PLPP3: variants seen among roughly 807,000 people sequenced by gnomAD.
The protein encoded by PLPP3 is PAP2 beta.
PLPP3 carries 6 observed loss-of-function variants against 29.6 expected under a neutral mutation model. That is an observed-to-expected ratio of 0.20 (90% CI 0.11 to 0.40). The LOEUF (loss-of-function observed/expected upper bound fraction) is 0.40, where lower values mean the gene tolerates loss of function less well. Among genes scored for constraint, PLPP3 ranks in the 10% least tolerant of loss-of-function variants. PLPP3 has a pLI of 1.00. For missense variants in PLPP3, 308 were observed against 407.7 expected (o/e 0.76, Z 2.11); for synonymous variants, 152 against 159.7 (o/e 0.95, Z 0.36).
intron 2 of PLPP3, among the ~76,000 whole-genome samples, chr1:56,526,408 T>C (rs1645853307): frequency 6.6e-6 from 1 of 152,190 alleles, no homozygotes; most frequent in Non-Finnish European, 1.5e-5. Context: ...ATCTAAAGAT[T>C]AAACCCAGGT....
intron 1 of PLPP3, among the ~76,000 whole-genome samples, chr1:56,553,150 A>C (rs1646052024): frequency 1.3e-5 from 2 of 152,140 alleles, no homozygotes; most frequent in African/African-American, 4.8e-5. Context: ...TGCTGGCCTA[A>C]ATAACCTCTA....
Position 56,536,996 on chromosome 1 carries a change from C to T in PLPP3, c.256G>A (p.Ala86Thr). 11 of 1,613,782 alleles carry T rather than the reference C, an allele frequency of 6.8e-6. No individual in the cohort carries two copies. The highest frequency in any genetic ancestry group is 9.3e-6 in the Non-Finnish European group (11 of 1,179,840). Residue 86 changes from alanine (A) to threonine (T), a missense_variant, in exon 2 of 6, where the codon GCT (alanine) becomes ACT (threonine). Physicochemically the swap from Ala to Thr is moderately conservative, Grantham distance 58 (BLOSUM62 0). Transcript: ENST00000371250. Reference protein sequence around the residue: ...PLKTGETINDAVLCAVGIVIA... With the variant: ...PLKTGETINDTVLCAVGIVIA... The stretch of plus-strand genomic sequence containing the variant: ...ACGATCCCCACGGCACAGAGCACAG[C>T]GTCATTTATTGTCTCACCAGTTTTC...
intron 4 of PLPP3, among the ~76,000 whole-genome samples, chr1:56,514,941 C>T (rs1207382716): frequency 2.0e-5 from 3 of 152,120 alleles, no homozygotes; most frequent in Non-Finnish European, 2.9e-5. Flanking sequence ...GGGATGAAGA[C>T]GGTGTTAGTC....
chr1:56,498,090 T>A lies in PLPP3; in HGVS notation c.811-1414A>T, dbSNP rs568683104. ...CTATTTCTATGCTACTACAAGAAAATGAAATATTAGCCGAGAAGTGTAACA... is the reference window on the plus strand; with the variant it reads ...CTATTTCTATGCTACTACAAGAAAAAGAAATATTAGCCGAGAAGTGTAACA... On this transcript the variant is annotated intron_variant, in intron 5 of 5. Coordinates refer to ENST00000371250, the MANE Select transcript of PLPP3 (RefSeq NM_003713.5). Among the ~76,000 whole-genome samples the A allele has an allele frequency of 1.1e-4, 16 of 151,554 alleles. No homozygotes were observed. In the South Asian group the frequency reaches 3.4e-3, roughly 32 times the overall value.
At chr1:56,523,802 A>C in intron 4 of PLPP3, 21 bp downstream of exon 4, 3 of 1,609,496 alleles carry the variant, frequency 1.9e-6, no homozygotes, top group Non-Finnish European at 2.6e-6. Context: ...GCACTGCTCA[A>C]ATCAAAGGGT....
chr1:56,510,254 C>T (rs920406297), intron 5 of PLPP3, among the ~76,000 whole-genome samples: 1 of 152,214 alleles, frequency 6.6e-6, no homozygotes, highest in African/African-American at 2.4e-5. Context: ...CCATCCCCCA[C>T]TGTCACCTCA....
intron 1 of PLPP3, among the ~76,000 whole-genome samples, chr1:56,571,681 T>A (rs905423508): frequency 1.3e-5 from 2 of 152,198 alleles, no homozygotes; most frequent in Non-Finnish European, 1.5e-5. Flanking sequence ...TACATATTAC[T>A]CTGTCTACTC....
At chr1:56,565,668 G>A (rs1017998857) in intron 1 of PLPP3, among the ~76,000 whole-genome samples, 2 of 152,088 alleles carry the variant, frequency 1.3e-5, no homozygotes, top group Admixed American at 6.6e-5. Flanking sequence ...TGATCTGCCC[G>A]CCTCAGCCTC....
chr1:56,567,503 T>C (rs574515385), intron 1 of PLPP3, among the ~76,000 whole-genome samples: 112 of 149,340 alleles, frequency 7.5e-4, no homozygotes, highest in Middle Eastern at 3.4e-3. Flanking sequence ...GTTCATGCCA[T>C]TCTCCTGCCT....
intron 1 of PLPP3, among the ~76,000 whole-genome samples, chr1:56,560,870 C>T (rs1256640517): frequency 1.4e-5 from 2 of 142,934 alleles, no homozygotes; most frequent in East Asian, 4.3e-4. Flanking sequence ...CAGAGTCCTC[C>T]TCTGTCGCCC....
chr1:56,512,112 A>C lies in PLPP3; in HGVS notation c.674T>G (p.Leu225Arg). Residue 225 changes from leucine (L) to arginine (R), a missense_variant, in exon 5 of 6, where the codon CTG becomes CGG. Physicochemically the swap from Leu to Arg is moderately radical, Grantham distance 102. This residue lies in a region of PLPP3 where 232 missense variants were observed against 317.2 expected (regional missense o/e 0.73). Transcript: ENST00000371250. ...QARFTWRGAR[L>R]LRPLLQFTLI... ...GGTGAACTGCAGGAGGGGCCGGAGC[A>C]GGCGGGCTCCTCGCCAAGTGAAGCG... The C allele has an allele frequency of 6.2e-7, 1 of 1,609,730 alleles. No homozygotes were observed. The highest frequency in any genetic ancestry group is 8.5e-7 in the Non-Finnish European group (1 of 1,178,648).
At chr1:56,558,790 C>T (rs1312994039) in intron 1 of PLPP3, among the ~76,000 whole-genome samples, 1 of 152,162 alleles carries the variant, frequency 6.6e-6, no homozygotes, top group Non-Finnish European at 1.5e-5. Context: ...CCACTGTGTT[C>T]CAATGTCTCC....
intron 3 of PLPP3, 45 bp from the exon 4 acceptor site, chr1:56,523,925 C>G: frequency 6.3e-7 from 1 of 1,580,378 alleles, no homozygotes; most frequent in East Asian, 2.2e-5. Flanking sequence ...ATTCACATCC[C>G]TGATACACAC....
At position 56,565,281 on chromosome 1, in the gene PLPP3, A is replaced by G. The variant is rs182074294; in HGVS notation, c.139+13597T>C. Among the ~76,000 whole-genome samples, 6 of 151,300 alleles carry G rather than the reference A, an allele frequency of 4.0e-5. No homozygotes were observed. The East Asian group carries it at 1.2e-3, about 29-fold the overall frequency. ...TGCATCCGCAGCCACTAACCAGAGAAGCTCAAAATCTTTCAATGTGACTTA... is the reference window on the plus strand; with the variant it reads ...TGCATCCGCAGCCACTAACCAGAGAGGCTCAAAATCTTTCAATGTGACTTA... On this transcript the variant is annotated intron_variant, in intron 1 of 5. Transcript: ENST00000371250.
At chr1:56,530,278 G>A (rs1232588996) in intron 2 of PLPP3, among the ~76,000 whole-genome samples, 2 of 151,542 alleles carry the variant, frequency 1.3e-5, no homozygotes, top group African/African-American at 4.9e-5. Flanking sequence ...TTTCTGCTGT[G>A]ATCTCAGCTG....
intron 1 of PLPP3, among the ~76,000 whole-genome samples, chr1:56,578,523 C>T (rs1054952550): frequency 6.6e-6 from 1 of 152,226 alleles, no homozygotes; most frequent in African/African-American, 2.4e-5. Context: ...TATACGCTGG[C>T]TCTAGAGCGC....
chr1:56,514,606 T>G (rs1488654428), intron 4 of PLPP3, among the ~76,000 whole-genome samples: 2 of 152,208 alleles, frequency 1.3e-5, no homozygotes, highest in Admixed American at 1.3e-4. Context: ...AATCCTTATT[T>G]TTGTCAATTA....
intron 1 of PLPP3, among the ~76,000 whole-genome samples, chr1:56,540,960 T>C (rs1333059466): frequency 6.6e-6 from 1 of 152,170 alleles, no homozygotes; most frequent in Non-Finnish European, 1.5e-5. Context: ...ATCACTTCAT[T>C]TGGAGAAATT....
chr1:56,563,277 T>G (rs1480500309), intron 1 of PLPP3, among the ~76,000 whole-genome samples: 2 of 152,246 alleles, frequency 1.3e-5, no homozygotes, highest in African/African-American at 4.8e-5. Context: ...CTTGCTTTCA[T>G]GCTAATCACA....
Sources: allele counts gnomAD v4.1 joint callset (sites outside exome capture counted in the v4.1 genomes callset), GRCh38; gene constraint gnomAD v4.1.1; regional missense constraint gnomAD v4.1.1; transcripts MANE v1.5; gene names NCBI Gene and HGNC (gene_info 2026-07-23, HGNC 2026-07-21).